FAM118A: variants seen among roughly 807,000 people sequenced by gnomAD.
FAM118A encodes the protein SIR2 antiphage like 2.
FAM118A carries 25 observed loss-of-function variants against 38.2 expected under a neutral mutation model. The observed-to-expected ratio is 0.65, with a 90% confidence interval of 0.48 to 0.91. FAM118A has a LOEUF of 0.91. FAM118A is among the 40% of genes least tolerant of loss of function. FAM118A has a pLI of 0.00. For missense variants in FAM118A, 425 were observed against 463.3 expected (o/e 0.92, Z 0.76); for synonymous variants, 178 against 184.1 (o/e 0.97, Z 0.27).
chr22:45,314,654 C>T (rs777550771), intron 1 of FAM118A, among the ~76,000 whole-genome samples: 1 of 152,198 alleles, frequency 6.6e-6, no homozygotes. Context: ...GGAGGTTTAC[C>T]TTCTAGAACA....
chr22:45,328,532 C>T lies in FAM118A; in HGVS notation c.522+469C>T, dbSNP rs888640934. Reference sequence around the variant, plus strand: ...CTGCAGTCCCCGCTACTGGGGAGGCCGAGGTGGGAGGATTGCTTGAGCCCA... The same window carrying T: ...CTGCAGTCCCCGCTACTGGGGAGGCTGAGGTGGGAGGATTGCTTGAGCCCA... On this transcript the variant is annotated intron_variant, in intron 4 of 8. Transcript: ENST00000441876. The T allele has an allele frequency of 8.1e-5, 59 of 732,370 alleles. 1 individual carries two copies. The highest frequency in any genetic ancestry group is 6.6e-4 in the South Asian group (46 of 69,392). The allele number at this position is 732,370 out of a possible 1,614,324, so 45.4% of individuals were successfully genotyped here.
At chr22:45,332,772 G>A in intron 6 of FAM118A, 62 bp downstream of exon 6, 5 of 1,491,832 alleles carry the variant, frequency 3.4e-6, no homozygotes, top group Non-Finnish European at 4.5e-6. Flanking sequence ...TTGAGACGGA[G>A]TTTTGCTCTT....
intron 8 of FAM118A, among the ~76,000 whole-genome samples, chr22:45,339,122 T>C (rs945193732): frequency 6.6e-6 from 1 of 152,228 alleles, no homozygotes; most frequent in Non-Finnish European, 1.5e-5. Flanking sequence ...TATACAACTT[T>C]GGCTGGGCTT....
intron 1 of FAM118A, chr22:45,321,470 G>T: frequency 6.6e-6 from 1 of 152,204 alleles, no homozygotes; most frequent in South Asian, 2.1e-4. Context: ...GGAGTGGAGT[G>T]GTGTGACGTG....
chr22:45,322,521 C>A, intron 2 of FAM118A, 95 bp downstream of exon 2: 1 of 1,094,528 alleles, frequency 9.1e-7, no homozygotes, highest in Non-Finnish European at 1.3e-6. Context: ...CCTGCAAGGG[C>A]GAAAGTGAAA....
chr22:45,320,346 T>G (rs2084801219), intron 1 of FAM118A, among the ~76,000 whole-genome samples: 3 of 151,770 alleles, frequency 2.0e-5, no homozygotes, highest in Admixed American at 2.0e-4. Flanking sequence ...CCTGTGCCAC[T>G]GCACTCCAGC....
chr22:45,316,899 T>C (rs2084631509), intron 1 of FAM118A, among the ~76,000 whole-genome samples: 1 of 152,206 alleles, frequency 6.6e-6, no homozygotes, highest in Admixed American at 6.5e-5. Context: ...GAGTTAAAGG[T>C]GAGCATTCGG....
At chr22:45,309,766 A>G (rs1302815010), upstream of FAM118A, 1 of 151,122 alleles carries the variant, frequency 6.6e-6, no homozygotes, top group African/African-American at 2.4e-5. Flanking sequence ...GGTGGGCGGG[A>G]CCGTGGTCAC....
At chr22:45,340,041 C>A (rs1306539057) in intron 8 of FAM118A, among the ~76,000 whole-genome samples, 2 of 152,232 alleles carry the variant, frequency 1.3e-5, no homozygotes, top group African/African-American at 2.4e-5. Flanking sequence ...GAGGAATCGA[C>A]AGGCTTATTC....
At chr22:45,335,199 C>CGAGCAGCGCAG in intron 6 of FAM118A, 151 bp from the exon 7 acceptor site, 2 of 732,178 alleles carry the variant, frequency 2.7e-6, no homozygotes, top group Non-Finnish European at 4.6e-6. Context: ...GTGAGGGCAG[C>CGAGCAGCGCAG]GAGCAGCGCA....
At chr22:45,315,760 A>G (rs1466344552) in intron 1 of FAM118A, among the ~76,000 whole-genome samples, 4 of 151,976 alleles carry the variant, frequency 2.6e-5, no homozygotes, top group Admixed American at 6.6e-5. Context: ...AGAGAGGTCT[A>G]CCTGGCTGGG....
chr22:45,322,479 C>A, intron 2 of FAM118A, 53 bp downstream of exon 2: 1 of 1,486,164 alleles, frequency 6.7e-7, no homozygotes, highest in South Asian at 1.2e-5. Context: ...CATCTAGCGT[C>A]TCTCGTGAGT....
At chr22:45,310,638 G>C (rs1269708360) in intron 1 of FAM118A, among the ~76,000 whole-genome samples, 3 of 152,150 alleles carry the variant, frequency 2.0e-5, no homozygotes, top group African/African-American at 7.2e-5. Flanking sequence ...GAGGTCCCTG[G>C]ACCTGCGGGG....
intron 6 of FAM118A, among the ~76,000 whole-genome samples, chr22:45,333,397 G>A (rs1017430767): frequency 7.2e-5 from 11 of 151,878 alleles, no homozygotes; most frequent in Non-Finnish European, 1.2e-4. Context: ...GGTTTGGAGC[G>A]GGCGCGATAG....
intron 4 of FAM118A, chr22:45,329,213 T>C (rs1287327885): frequency 6.6e-6 from 1 of 152,240 alleles, no homozygotes; most frequent in Non-Finnish European, 1.5e-5. Context: ...CTCATACTTT[T>C]ATGTCCTGTT....
Position 45,330,656 on chromosome 22 carries a change from C to A in FAM118A, c.576C>A (p.Gly192=). The part of the protein sequence containing the change: ...HMKYGVLHIH[G]LYTDPCGVVL... ...AGTACGGCGTCCTCCACATTCACGG[C>A]CTCTACACGGACCCCTGCGGGGTGG... is the stretch of plus-strand genomic sequence containing the variant. The change falls in exon 5 of 9, where the codon GGC becomes GGA. Residue 192 remains glycine, a synonymous_variant. Coordinates refer to ENST00000441876, the MANE Select transcript of FAM118A (RefSeq NM_017911.4). 1.3e-6 allele frequency: 2 copies of A among 1,595,130 alleles called. No homozygotes were observed. Among genetic ancestry groups the A allele is most frequent in the Non-Finnish European group, 1.7e-6 (2 of 1,171,646 alleles).
At chr22:45,316,689 T>C (rs920294344) in intron 1 of FAM118A, among the ~76,000 whole-genome samples, 2 of 152,214 alleles carry the variant, frequency 1.3e-5, no homozygotes, top group African/African-American at 4.8e-5. Flanking sequence ...CTCCTGTCAG[T>C]AGCACATTTA....
chr22:45,335,996 C>T (rs1047124829), intron 7 of FAM118A, among the ~76,000 whole-genome samples: 4 of 152,218 alleles, frequency 2.6e-5, no homozygotes, highest in South Asian at 2.1e-4. Flanking sequence ...TTTGGCCCAG[C>T]GCGTTCACAG....
At chr22:45,309,594 G>A (rs996052543), upstream of FAM118A, 1 of 152,344 alleles carries the variant, frequency 6.6e-6, no homozygotes, top group Admixed American at 6.5e-5. Flanking sequence ...TCCCTGCAAA[G>A]TGCTCCCGCC....
Sources: allele counts gnomAD v4.1 joint callset (sites outside exome capture counted in the v4.1 genomes callset), GRCh38; gene constraint gnomAD v4.1.1; transcripts MANE v1.5; gene names NCBI Gene and HGNC (gene_info 2026-07-23, HGNC 2026-07-21).